Variants in RBFOX1 observed in about 807,000 individuals in gnomAD.
RBFOX1 encodes RNA binding protein fox-1 homolog 1.
In RBFOX1, 8 loss-of-function variants were observed where a neutral mutation model predicts 57.7. The ratio of observed to expected loss-of-function variants is 0.14; its 90% CI spans 0.08 to 0.25. The LOEUF is 0.25. RBFOX1 is among the 10% of genes least tolerant of loss of function. The pLI is 1.00. For synonymous variants in RBFOX1, 326 were observed against 222.4 expected (o/e 1.47, Z -4.15); for missense variants, 611 against 548.5 (o/e 1.11, Z -1.14).
At chr16:7,186,994 C>CAAAAA (rs35177784) in intron 4 of RBFOX1, among the ~76,000 whole-genome samples, 6 of 69,260 alleles carry the variant, frequency 8.7e-5, no homozygotes, top group African/African-American at 3.2e-4. Context: ...CCCACCTCCA[C>CAAAAA]AAAAAAAAAA....
chr16:7,190,782 C>G (rs1290012000), intron 4 of RBFOX1, among the ~76,000 whole-genome samples: 1 of 152,174 alleles, frequency 6.6e-6, no homozygotes, highest in Non-Finnish European at 1.5e-5. Flanking sequence ...TATGGCATTG[C>G]TCATATTCGC....
Position 6,453,544 on chromosome 16 carries a change from C to T in RBFOX1, c.-64+136487C>T, listed in dbSNP as rs553903910. Among the ~76,000 whole-genome samples, 6 of 152,164 alleles carry T rather than the reference C, an allele frequency of 3.9e-5. No homozygotes were observed. The South Asian group carries it at 6.2e-4, about 16-fold the overall frequency. The stretch of plus-strand genomic sequence containing the variant: ...TGAAATTGAGGCAGTAATTAATAGC[C>T]TACCAACCAAAAAAAAGCCCAGGAC... On this transcript the variant is annotated intron_variant, in intron 2 of 15. Coordinates refer to ENST00000550418, the MANE Select transcript of RBFOX1 (RefSeq NM_018723.4).
intron 4 of RBFOX1, among the ~76,000 whole-genome samples, chr16:6,011,593 G>A (rs1429371277): frequency 6.6e-6 from 1 of 152,098 alleles, no homozygotes; most frequent in African/African-American, 2.4e-5. Flanking sequence ...TCTCAGGCTT[G>A]GCATAGAGTA....
At chr16:6,409,398 G>A (rs1403008625) in intron 2 of RBFOX1, among the ~76,000 whole-genome samples, 1 of 152,134 alleles carries the variant, frequency 6.6e-6, no homozygotes. Flanking sequence ...AGGGCAACGG[G>A]AGCGAAACCC....
At chr16:6,262,581 C>T (rs544236462) in intron 1 of RBFOX1, among the ~76,000 whole-genome samples, 2 of 152,306 alleles carry the variant, frequency 1.3e-5, no homozygotes, top group African/African-American at 4.8e-5. Flanking sequence ...TGGATTGCAA[C>T]ATCTTTCCCA....
chr16:7,246,771 C>T (rs903875995), intron 4 of RBFOX1, among the ~76,000 whole-genome samples: 1 of 151,526 alleles, frequency 6.6e-6, no homozygotes, highest in African/African-American at 2.4e-5. Flanking sequence ...CTACGTAGCA[C>T]ATCCAGAGGC....
At chr16:7,707,953 GCAGCA>G (rs1288364896) in intron 14 of RBFOX1, among the ~76,000 whole-genome samples, 4 of 152,158 alleles carry the variant, frequency 2.6e-5, no homozygotes, top group Non-Finnish European at 5.9e-5. Context: ...TATTAAGATA[GCAGCA>G]TTCAAACTAT....
chr16:5,436,617 C>T (rs1397724644), intron 1 of RBFOX1, among the ~76,000 whole-genome samples: 1 of 152,084 alleles, frequency 6.6e-6, no homozygotes, highest in East Asian at 1.9e-4. Flanking sequence ...GAGGGTGGGT[C>T]ACTTCAGGTC....
At chr16:6,483,688 A>G (rs1352949664) in intron 2 of RBFOX1, 8 of 266,558 alleles carry the variant, frequency 3.0e-5, no homozygotes, top group South Asian at 1.9e-4. Context: ...TTGCAGAGGG[A>G]CGGGGGCGGG....
intron 1 of RBFOX1, among the ~76,000 whole-genome samples, chr16:6,139,126 C>T (rs916038218): frequency 1.3e-4 from 20 of 152,258 alleles, no homozygotes; most frequent in Middle Eastern, 3.4e-3. Flanking sequence ...GTCCCAGGCT[C>T]TGCTGTGTGA....
At chr16:5,408,812 T>G (rs935784700) in intron 1 of RBFOX1, among the ~76,000 whole-genome samples, 10 of 151,994 alleles carry the variant, frequency 6.6e-5, no homozygotes, top group Non-Finnish European at 1.2e-4. Context: ...GAGTTGGGGG[T>G]TGGGGATTGT....
intron 12 of RBFOX1, among the ~76,000 whole-genome samples, chr16:7,660,301 A>G (rs752581911): frequency 6.6e-6 from 1 of 152,246 alleles, no homozygotes; most frequent in Admixed American, 6.5e-5. Context: ...TGATTGACAA[A>G]CAATACAAGT....
intron 5 of RBFOX1, among the ~76,000 whole-genome samples, chr16:7,539,610 A>C (rs2082375988): frequency 6.6e-6 from 1 of 152,234 alleles, no homozygotes; most frequent in African/African-American, 2.4e-5. Flanking sequence ...TTCTACATAG[A>C]GGTGATGCCA....
intron 5 of RBFOX1, among the ~76,000 whole-genome samples, chr16:7,574,461 T>G (rs7189573): frequency 0.31 from 46,799 of 151,660 alleles, 8,633 homozygotes; most frequent in East Asian, 0.53. Context: ...ACCTCAAAAG[T>G]AGGGAAGCCA....
At position 5,324,132 on chromosome 16, in the gene RBFOX1, G is replaced by C. The variant is rs553969438; in HGVS notation, c.219+84027G>C. Among the ~76,000 whole-genome samples the C allele has an allele frequency of 7.9e-5, 12 of 152,294 alleles. No individual in the cohort carries two copies. The East Asian group carries it at 1.7e-3, about 22-fold the overall frequency. ...GTGTTGGGGGAGGGGGTGGGGGCTG[G>C]ATCAGCAGCACGGGCATCACCTGGA... is the stretch of plus-strand genomic sequence containing the variant. On this transcript the variant is annotated intron_variant, in intron 1 of 2. Transcript: ENST00000585867.
At chr16:7,285,696 C>T (rs190101595) in intron 4 of RBFOX1, among the ~76,000 whole-genome samples, 6 of 152,282 alleles carry the variant, frequency 3.9e-5, no homozygotes, top group South Asian at 2.1e-4. Flanking sequence ...ATTGAAACTG[C>T]TGTGTGTATA....
intron 2 of RBFOX1, among the ~76,000 whole-genome samples, chr16:6,360,337 G>C (rs968753041): frequency 6.6e-6 from 1 of 151,782 alleles, no homozygotes; most frequent in Non-Finnish European, 1.5e-5. Context: ...ACTGTTATTG[G>C]CTATATATTT....
chr16:5,744,004 C>T (rs956098122), intron 3 of RBFOX1, among the ~76,000 whole-genome samples: 3 of 152,178 alleles, frequency 2.0e-5, no homozygotes, highest in African/African-American at 4.8e-5. Context: ...ACCTATCTTA[C>T]GGAAATAGAG....
At chr16:6,451,412 ATCT>A (rs1335801951) in intron 2 of RBFOX1, among the ~76,000 whole-genome samples, 1 of 152,190 alleles carries the variant, frequency 6.6e-6, no homozygotes, top group Non-Finnish European at 1.5e-5. Flanking sequence ...GAGTTAGGTA[ATCT>A]TCTTATCTCC....
Sources: gnomAD v4.1 joint callset for allele counts (sites outside exome capture counted in the v4.1 genomes callset) on GRCh38, gnomAD v4.1.1 for gene constraint, MANE v1.5 for transcripts, NCBI Gene and HGNC (gene_info 2026-07-23, HGNC 2026-07-21) for gene names.